The following CAST variants were observed in gnomAD, a reference collection of about 807,000 sequenced individuals.
The protein encoded by CAST is MIR583 host.
Under a neutral mutation model 119.6 loss-of-function variants are expected in CAST, and 76 were observed. The ratio of observed to expected loss-of-function variants is 0.64; its 90% CI spans 0.53 to 0.77. The LOEUF (loss-of-function observed/expected upper bound fraction) is 0.77, where lower values mean the gene tolerates loss of function less well. CAST is among the 30% of genes least tolerant of loss of function. The pLI is 0.00. For missense variants in CAST, 953 were observed against 946.5 expected (o/e 1.01, Z -0.09); for synonymous variants, 319 against 331.6 (o/e 0.96, Z 0.41).
intron 2 of CAST, among the ~76,000 whole-genome samples, chr5:96,678,507 T>G (rs1750961897): frequency 6.6e-6 from 1 of 151,968 alleles, no homozygotes; most frequent in Non-Finnish European, 1.5e-5. Context: ...AAGAAAAAAT[T>G]GATGAGGGTT....
chr5:96,688,086 G>A (rs1000638542), intron 2 of CAST, among the ~76,000 whole-genome samples: 9 of 152,112 alleles, frequency 5.9e-5, no homozygotes, highest in African/African-American at 1.9e-4. Flanking sequence ...TCCTTGCTGT[G>A]GTACAGTGTT....
At chr5:96,469,916 T>C in the CAST span, among the ~76,000 whole-genome samples, 1 of 142,640 alleles carries the variant, frequency 7.0e-6, no homozygotes. Flanking sequence ...AATGTTTGTA[T>C]AAATTGTCCA....
intron 3 of CAST, among the ~76,000 whole-genome samples, chr5:96,702,265 C>T (rs1236189181): frequency 1.3e-5 from 2 of 152,082 alleles, no homozygotes; most frequent in Admixed American, 1.3e-4. Flanking sequence ...AGTGGCTTAA[C>T]CCCTCTATTT....
chr5:96,021,607 A>G, the CAST span, among the ~76,000 whole-genome samples: 1,034 of 151,986 alleles, frequency 6.8e-3, 10 homozygotes, highest in African/African-American at 0.023. Context: ...CACCACGCCC[A>G]GCTAATTTTT....
the CAST span, among the ~76,000 whole-genome samples, chr5:96,075,609 A>C: frequency 2.0e-5 from 3 of 152,222 alleles, no homozygotes; most frequent in African/African-American, 7.2e-5. Flanking sequence ...ATTCATCCCA[A>C]ACTAAAGAAA....
At chr5:96,162,455 T>A in the CAST span, among the ~76,000 whole-genome samples, 1 of 152,196 alleles carries the variant, frequency 6.6e-6, no homozygotes, top group African/African-American at 2.4e-5. Flanking sequence ...TCTTGCTCTG[T>A]CGCCCAGGCT....
At position 96,534,728 on chromosome 5, in the gene CAST, A is replaced by AAGGAAG. The variant is rs1561408787; in HGVS notation, c.60+4848_60+4849insAGGAAG. On this transcript the variant is annotated intron_variant, in intron 1 of 11. Coordinates refer to the CAST transcript ENST00000505143. ...GAAGGAAGGAAGGAGAGAGAGAGAG[A>AAGGAAG]GAGAGAGAGAGAGAAAGAAAGAAAG... Among the ~76,000 whole-genome samples the AAGGAAG allele has an allele frequency of 8.3e-4, 14 of 16,876 alleles. 1 individual carries two copies. Among genetic ancestry groups the AAGGAAG allele is most frequent in the East Asian group, 4.0e-3 (2 of 504 alleles). 11.1% of individuals were successfully genotyped at this position (16,876 alleles called of 152,430 possible). A position where few individuals can be genotyped will look rare whatever the true frequency, so the allele number is the denominator to read the frequency against.
At chr5:96,056,559 G>A in the CAST span, among the ~76,000 whole-genome samples, 52 of 152,232 alleles carry the variant, frequency 3.4e-4, no homozygotes, top group African/African-American at 1.1e-3. Context: ...TGTGAGATTC[G>A]AAACATCTGA....
chr5:96,069,653 A>G, the CAST span, among the ~76,000 whole-genome samples: 6 of 143,702 alleles, frequency 4.2e-5, no homozygotes, highest in South Asian at 1.3e-3. Flanking sequence ...TGGGTAATTA[A>G]ACTTTTTTTT....
the CAST span, among the ~76,000 whole-genome samples, chr5:96,287,857 AAAAG>A: frequency 6.6e-6 from 1 of 152,154 alleles, no homozygotes; most frequent in East Asian, 1.9e-4. Flanking sequence ...AAAAAGAAAA[AAAAG>A]AAAGAACTGA....
intron 29 of CAST, 153 bp from the exon 30 acceptor site, chr5:96,770,378 G>T: frequency 1.7e-6 from 1 of 588,038 alleles, no homozygotes; most frequent in Non-Finnish European, 3.1e-6. Context: ...TGACACCGTT[G>T]TTCAAAAAAA....
At chr5:96,519,263 G>A in the CAST span, among the ~76,000 whole-genome samples, 1 of 152,098 alleles carries the variant, frequency 6.6e-6, no homozygotes, top group Non-Finnish European at 1.5e-5. Context: ...AAGCCCACTG[G>A]TTTGGGACCA....
At chr5:96,659,140 T>G (rs1036244969), upstream of CAST, among the ~76,000 whole-genome samples, 2 of 152,194 alleles carry the variant, frequency 1.3e-5, no homozygotes, top group African/African-American at 4.8e-5. Flanking sequence ...ATAATTACAA[T>G]AGCAACATCA....
the CAST span, among the ~76,000 whole-genome samples, chr5:96,449,287 C>T: frequency 6.6e-6 from 1 of 152,154 alleles, no homozygotes; most frequent in Non-Finnish European, 1.5e-5. Context: ...AGTAAAGGTC[C>T]GTGACCTGTT....
chr5:96,639,625 A>C (rs1747927272), intron 1 of CAST, among the ~76,000 whole-genome samples: 1 of 152,206 alleles, frequency 6.6e-6, no homozygotes, highest in South Asian at 2.1e-4. Flanking sequence ...TGGCCCCGGG[A>C]GGAGGGCCCT....
the CAST span, among the ~76,000 whole-genome samples, chr5:96,150,638 G>C: frequency 4.4e-4 from 67 of 152,314 alleles, no homozygotes; most frequent in African/African-American, 1.5e-3. Flanking sequence ...AACTGACTCT[G>C]AGGAAGGAGC....
At chr5:96,435,371 C>G in the CAST span, among the ~76,000 whole-genome samples, 2 of 152,210 alleles carry the variant, frequency 1.3e-5, no homozygotes. Flanking sequence ...ATATCCTCAT[C>G]CACACAATAC....
the CAST span, among the ~76,000 whole-genome samples, chr5:96,107,785 G>A: frequency 6.6e-6 from 1 of 152,110 alleles, no homozygotes; most frequent in East Asian, 1.9e-4. Flanking sequence ...TGTTAGATTG[G>A]GGAAGTTCTC....
chr5:96,655,614 CA>C (rs2150205718), intron 1 of CAST, among the ~76,000 whole-genome samples: 1 of 152,350 alleles, frequency 6.6e-6, no homozygotes, highest in Admixed American at 6.5e-5. Context: ...GGATCTACTG[CA>C]GATACTTGCA....
Sources: allele counts gnomAD v4.1 joint callset (sites outside exome capture counted in the v4.1 genomes callset), GRCh38; gene constraint gnomAD v4.1.1; transcripts MANE v1.5; gene names NCBI Gene and HGNC (gene_info 2026-07-23, HGNC 2026-07-21).